Variants in SHROOM3 observed in about 807,000 individuals in gnomAD.
The protein encoded by SHROOM3 is shroom family member 3, also known as protein Shroom3.
Under a neutral mutation model 138.6 loss-of-function variants are expected in SHROOM3, and 47 were observed. That is an observed-to-expected ratio of 0.34 (90% CI 0.27 to 0.43). The LOEUF (loss-of-function observed/expected upper bound fraction) is 0.43. Ranked by LOEUF, SHROOM3 falls within the 20% of genes least tolerant of loss-of-function variation. The pLI, the probability that SHROOM3 is intolerant of heterozygous loss-of-function variation, is 1.00. For synonymous variants in SHROOM3, 1,062 were observed against 1,063.3 expected, an observed-to-expected ratio of 1.00 and a Z score of 0.02; for missense variants, 2,491 against 2,596.5, an observed-to-expected ratio of 0.96 and a Z score of 0.88.
At chr4:76,460,853 G>C (rs555715623) in intron 1 of SHROOM3, among the ~76,000 whole-genome samples, 1 of 58,720 alleles carries the variant, frequency 1.7e-5, no homozygotes, top group South Asian at 7.4e-4. Context: ...AATTAGCCAG[G>C]CATGGTAGTA....
chr4:76,605,935 A>C (rs115528180), intron 2 of SHROOM3, among the ~76,000 whole-genome samples: 13,919 of 135,790 alleles, frequency 0.1, 719 homozygotes, highest in South Asian at 0.13. Flanking sequence ...CTCTCTCTCT[A>C]TATATATATA....
chr4:76,436,161 C>A lies in SHROOM3; in HGVS notation c.109C>A (p.Pro37Thr). Residue 37 changes from proline to threonine, a missense_variant, in exon 1 of 11, where the codon CCC becomes ACC. By Grantham distance (38) the Pro-to-Thr change is conservative. Around this residue, in one of 4 missense-constraint regions of SHROOM3, gnomAD observed 284 missense variants for 322.8 expected, o/e 0.88. Coordinates refer to ENST00000296043, the MANE Select transcript of SHROOM3 (RefSeq NM_020859.4). ...GGAGGCATTCCTGGAGGGAGGAGCT[C>A]CCTGGGGTTTTACTCTAAAGGGTGG... The part of the protein sequence containing the change: ...YLEAFLEGGA[P>T]WGFTLKGGLE... 1 of 1,614,064 alleles carries A rather than the reference C, an allele frequency of 6.2e-7. No homozygotes were observed.
Position 76,782,662 on chromosome 4 carries a change from T to A in SHROOM3, c.*3485T>A, listed in dbSNP as rs898668721. The A allele has an allele frequency of 2.0e-5, 3 of 152,178 alleles. No individual in the cohort carries two copies. Among genetic ancestry groups the A allele is most frequent in the Admixed American group, 1.3e-4 (2 of 15,262 alleles). 9.4% of individuals were successfully genotyped at this position (152,178 alleles called of 1,614,324 possible). On this transcript the variant is annotated 3_prime_UTR_variant, in exon 11 of 11. Transcript: ENST00000296043. The stretch of plus-strand genomic sequence containing the variant: ...TGGCTTCATTGTTAGGTTGGAGTTA[T>A]TATTTTCCTTTTAGAACAACATGAA...
chr4:76,666,883 C>T (rs1229554764), intron 2 of SHROOM3, among the ~76,000 whole-genome samples: 4 of 152,162 alleles, frequency 2.6e-5, no homozygotes, highest in Non-Finnish European at 5.9e-5. Context: ...AATGGCCTAT[C>T]ATTCTGCCTT....
intron 2 of SHROOM3, among the ~76,000 whole-genome samples, chr4:76,560,127 A>G (rs1733569875): frequency 6.6e-6 from 1 of 152,236 alleles, no homozygotes; most frequent in South Asian, 2.1e-4. Flanking sequence ...ACGAATGAGA[A>G]TCATACTCCA....
intron 1 of SHROOM3, among the ~76,000 whole-genome samples, chr4:76,460,995 C>T (rs986375047): frequency 5.5e-5 from 8 of 146,528 alleles, no homozygotes; most frequent in Admixed American, 1.4e-4. Context: ...GACCCTGTTT[C>T]GAAAAAATAC....
At chr4:76,485,037 A>T (rs1055513107) in intron 1 of SHROOM3, among the ~76,000 whole-genome samples, 4 of 152,116 alleles carry the variant, frequency 2.6e-5, no homozygotes, top group African/African-American at 9.7e-5. Context: ...TAATAGAAGA[A>T]CTCACTCTTC....
chr4:76,607,002 T>TGTGTGTGTG (rs1734637114), intron 2 of SHROOM3, among the ~76,000 whole-genome samples: 1 of 152,110 alleles, frequency 6.6e-6, no homozygotes, highest in African/African-American at 2.4e-5. Flanking sequence ...AAACTGTGTG[T>TGTGTGTGTG]GTGTGTGTGT....
At chr4:76,464,994 C>T (rs1279511383) in intron 1 of SHROOM3, among the ~76,000 whole-genome samples, 1 of 152,214 alleles carries the variant, frequency 6.6e-6, no homozygotes, top group African/African-American at 2.4e-5. Context: ...TAAATGTTCT[C>T]TTTGGCTACT....
intron 1 of SHROOM3, among the ~76,000 whole-genome samples, chr4:76,502,878 C>G (rs1732129527): frequency 6.6e-6 from 1 of 152,092 alleles, no homozygotes; most frequent in East Asian, 1.9e-4. Context: ...GAACCTAGAA[C>G]CTTTTATTTA....
intron 5 of SHROOM3, among the ~76,000 whole-genome samples, chr4:76,746,869 T>A (rs138648034): frequency 0.014 from 2,147 of 151,046 alleles, 26 homozygotes; most frequent in Non-Finnish European, 0.018. Context: ...CAGGCTGGAG[T>A]GCACTGGCGC....
intron 9 of SHROOM3, among the ~76,000 whole-genome samples, 174 bp from the exon 10 acceptor site, chr4:76,770,452 A>T (rs1722323322): frequency 7.8e-6 from 1 of 128,376 alleles, no homozygotes; most frequent in Admixed American, 7.6e-5. Flanking sequence ...GCAATGGTAG[A>T]CCCTTAGGGA....
chr4:76,693,154 A>G (rs975182968), intron 2 of SHROOM3, among the ~76,000 whole-genome samples: 5 of 152,172 alleles, frequency 3.3e-5, no homozygotes, highest in Admixed American at 1.3e-4. Context: ...TGTTGCAAAG[A>G]TTGAGTTAAT....
intron 2 of SHROOM3, among the ~76,000 whole-genome samples, chr4:76,656,881 A>G (rs1254812884): frequency 6.6e-6 from 1 of 152,188 alleles, no homozygotes; most frequent in Admixed American, 6.5e-5. Flanking sequence ...CTGAATAAAT[A>G]CACATATTCA....
At chr4:76,659,110 A>G (rs915113723) in intron 2 of SHROOM3, among the ~76,000 whole-genome samples, 1 of 152,088 alleles carries the variant, frequency 6.6e-6, no homozygotes, top group Non-Finnish European at 1.5e-5. Flanking sequence ...CTAGCATGAA[A>G]AGCTTGGTTC....
At chr4:76,709,990 GC>G in intron 2 of SHROOM3, 165 bp from the exon 3 acceptor site, 2 of 750,888 alleles carry the variant, frequency 2.7e-6, no homozygotes, top group Non-Finnish European at 4.5e-6. Flanking sequence ...CCTTCGTAGG[GC>G]AGAGAACTTT....
chr4:76,441,292 G>A (rs9998485), intron 1 of SHROOM3, among the ~76,000 whole-genome samples: 70,129 of 151,476 alleles, frequency 0.46, 16,549 homozygotes, highest in Non-Finnish European at 0.51. Flanking sequence ...ACAGGGTTTC[G>A]CCGTGTTAGC....
chr4:76,460,661 C>T (rs1339726787), intron 1 of SHROOM3, among the ~76,000 whole-genome samples: 6 of 151,510 alleles, frequency 4.0e-5, no homozygotes, highest in African/African-American at 1.5e-4. Flanking sequence ...CCTCTGTGCC[C>T]CCACATCTCT....
At chr4:76,661,476 C>T (rs1175285669) in intron 2 of SHROOM3, among the ~76,000 whole-genome samples, 5 of 152,232 alleles carry the variant, frequency 3.3e-5, no homozygotes, top group African/African-American at 9.6e-5. Context: ...ATGATCCGCC[C>T]ACCTCGGCCT....
Sources: allele counts gnomAD v4.1 joint callset (sites outside exome capture counted in the v4.1 genomes callset), GRCh38; gene constraint gnomAD v4.1.1; regional missense constraint gnomAD v4.1.1; transcripts MANE v1.5; gene names NCBI Gene and HGNC (gene_info 2026-07-23, HGNC 2026-07-21).